The following MCCC1 variants were observed in gnomAD, a reference collection of about 807,000 sequenced individuals.
MCCC1 encodes methylcrotonoyl-CoA carboxylase subunit alpha, mitochondrial.
In MCCC1, 64 loss-of-function variants were observed where a neutral mutation model predicts 83.8. That is an observed-to-expected ratio of 0.76 (90% CI 0.62 to 0.94). MCCC1 has a LOEUF of 0.94. MCCC1 is among the 40% of genes least tolerant of loss of function. The probability of loss-of-function intolerance (pLI) is 0.00; values close to 1 mark genes in which losing one functional copy is unlikely to be tolerated. For synonymous variants in MCCC1, 322 were observed against 315.4 expected (o/e 1.02, Z -0.22); for missense variants, 807 against 904.7 (o/e 0.89, Z 1.39).
intron 4 of MCCC1, among the ~76,000 whole-genome samples, chr3:183,081,809 T>G (rs1289379916): frequency 6.6e-6 from 1 of 152,110 alleles, no homozygotes; most frequent in Non-Finnish European, 1.5e-5. Context: ...CTTGACATGG[T>G]GGGAGCACTG....
intron 7 of MCCC1, among the ~76,000 whole-genome samples, chr3:183,061,099 G>A (rs1326523603): frequency 6.6e-6 from 1 of 152,098 alleles, no homozygotes; most frequent in Non-Finnish European, 1.5e-5. Context: ...TAGCGGGTTA[G>A]GTTTCAACAT....
chr3:183,074,417 C>T (rs1716914718), intron 4 of MCCC1, among the ~76,000 whole-genome samples: 1 of 152,224 alleles, frequency 6.6e-6, no homozygotes, highest in Non-Finnish European at 1.5e-5. Context: ...GATGAAGCCA[C>T]ACCCTCTCCA....
intron 1 of MCCC1, among the ~76,000 whole-genome samples, chr3:183,105,247 G>A (rs1426965067): frequency 6.6e-6 from 1 of 152,172 alleles, no homozygotes; most frequent in Non-Finnish European, 1.5e-5. Flanking sequence ...GGGAGGCTGA[G>A]GCAGGAGAAT....
chr3:183,100,331 C>A (rs551636392), upstream of MCCC1, among the ~76,000 whole-genome samples: 51 of 152,234 alleles, frequency 3.4e-4, no homozygotes, highest in Non-Finnish European at 6.9e-4. Context: ...CAAAATAGAT[C>A]CTGGAAGAGA....
At chr3:183,032,811 T>C (rs1713191655) in intron 14 of MCCC1, among the ~76,000 whole-genome samples, 1 of 151,600 alleles carries the variant, frequency 6.6e-6, no homozygotes, top group Non-Finnish European at 1.5e-5. Context: ...GAGGTGGAGC[T>C]TGCAGTGAGC....
chr3:183,070,118 G>A (rs1364249133), intron 7 of MCCC1, among the ~76,000 whole-genome samples: 1 of 152,194 alleles, frequency 6.6e-6, no homozygotes, highest in African/African-American at 2.4e-5. Context: ...TTTAGCATGT[G>A]TAAAATATTT....
intron 1 of MCCC1, among the ~76,000 whole-genome samples, chr3:183,109,052 C>T (rs1254008591): frequency 2.0e-5 from 3 of 152,050 alleles, no homozygotes; most frequent in African/African-American, 4.8e-5. Context: ...AGTGCAGTGG[C>T]GCGATCTCGG....
intron 1 of MCCC1, chr3:183,099,077 G>C (rs1275861183): frequency 3.5e-6 from 2 of 571,186 alleles, no homozygotes; most frequent in African/African-American, 3.8e-5. Flanking sequence ...GGGGAGCCTG[G>C]AGGATGGCGG....
intron 7 of MCCC1, among the ~76,000 whole-genome samples, chr3:183,069,439 C>T (rs1480991058): frequency 6.6e-6 from 1 of 151,990 alleles, no homozygotes; most frequent in Non-Finnish European, 1.5e-5. Flanking sequence ...CTAGCCTATT[C>T]TTTCTTGAAA....
At chr3:183,029,421 T>A (rs1255613691) in intron 14 of MCCC1, among the ~76,000 whole-genome samples, 2 of 152,152 alleles carry the variant, frequency 1.3e-5, no homozygotes, top group Non-Finnish European at 2.9e-5. Context: ...ACCTGTGAGC[T>A]CCCTGACTGG....
At chr3:183,032,072 C>T (rs986896523) in intron 14 of MCCC1, among the ~76,000 whole-genome samples, 1 of 152,190 alleles carries the variant, frequency 6.6e-6, no homozygotes, top group African/African-American at 2.4e-5. Context: ...AAAGCTCTTA[C>T]ATACAGACTT....
At chr3:183,036,031 G>C (rs1553853521) in intron 13 of MCCC1, among the ~76,000 whole-genome samples, 1 of 132,416 alleles carries the variant, frequency 7.6e-6, no homozygotes, top group Non-Finnish European at 1.5e-5. Context: ...CTGTGTCCAA[G>C]TGATCTCATT....
intron 14 of MCCC1, among the ~76,000 whole-genome samples, chr3:183,031,915 C>T (rs1044816735): frequency 4.6e-5 from 7 of 151,920 alleles, no homozygotes; most frequent in Non-Finnish European, 7.4e-5. Flanking sequence ...GCAATCCTCC[C>T]GCCTTGGCCT....
chr3:183,067,017 A>C (rs1385465183), intron 7 of MCCC1, among the ~76,000 whole-genome samples: 1 of 152,264 alleles, frequency 6.6e-6, no homozygotes, highest in Non-Finnish European at 1.5e-5. Context: ...TATTTGCATA[A>C]ATGCAATAAG....
chr3:183,053,588 T>A (rs1012909317), intron 8 of MCCC1, among the ~76,000 whole-genome samples: 1 of 151,740 alleles, frequency 6.6e-6, no homozygotes, highest in Non-Finnish European at 1.5e-5. Flanking sequence ...GGGCGGATCA[T>A]GAAGTCAGGA....
At chr3:183,094,512 T>G in intron 2 of MCCC1, 47 bp downstream of exon 2, 2 of 1,582,954 alleles carry the variant, frequency 1.3e-6, no homozygotes, top group Non-Finnish European at 1.7e-6. Context: ...TCTTAAACAC[T>G]TCCAGTCTGA....
At chr3:183,088,265 G>A (rs1718058018) in intron 3 of MCCC1, among the ~76,000 whole-genome samples, 1 of 149,416 alleles carries the variant, frequency 6.7e-6, no homozygotes, top group Admixed American at 6.7e-5. Flanking sequence ...GGAATGTAGT[G>A]GCGCGATCTC....
At chr3:183,052,470 T>C (rs1715052228) in intron 8 of MCCC1, among the ~76,000 whole-genome samples, 1 of 152,186 alleles carries the variant, frequency 6.6e-6, no homozygotes, top group Non-Finnish European at 1.5e-5. Context: ...TGTTTTGTGG[T>C]GAGGCTGGTG....
chr3:183,073,778 T>G (rs1238164558), intron 4 of MCCC1, among the ~76,000 whole-genome samples: 2 of 152,248 alleles, frequency 1.3e-5, no homozygotes, highest in Non-Finnish European at 2.9e-5. Context: ...CTTGAGAATT[T>G]TCACCTTTTC....
Sources: allele counts gnomAD v4.1 joint callset (sites outside exome capture counted in the v4.1 genomes callset), GRCh38; gene constraint gnomAD v4.1.1; transcripts MANE v1.5; gene names NCBI Gene and HGNC (gene_info 2026-07-23, HGNC 2026-07-21).